ZNRF3: variants seen among roughly 807,000 people sequenced by gnomAD.
The protein encoded by ZNRF3 is E3 ubiquitin-protein ligase ZNRF3.
In ZNRF3, 23 loss-of-function variants were observed where a neutral mutation model predicts 72.5. That is an observed-to-expected ratio of 0.32 (90% CI 0.23 to 0.45). The LOEUF is 0.45. ZNRF3 is among the 20% of genes least tolerant of loss of function. The probability of loss-of-function intolerance (pLI) is 1.00; values close to 1 mark genes in which losing one functional copy is unlikely to be tolerated. For synonymous variants in ZNRF3, 610 were observed against 545.3 expected (o/e 1.12, Z -1.65); for missense variants, 1,169 against 1,272.1 (o/e 0.92, Z 1.23).
chr22:28,941,963 AAAC>A (rs916082755), intron 1 of ZNRF3, among the ~76,000 whole-genome samples: 7 of 152,164 alleles, frequency 4.6e-5, no homozygotes, highest in East Asian at 3.9e-4. Flanking sequence ...CTCAAAAACA[AAAC>A]AACAACAACA....
chr22:28,928,251 T>G (rs2034638154), intron 1 of ZNRF3, among the ~76,000 whole-genome samples: 3 of 152,222 alleles, frequency 2.0e-5, no homozygotes, highest in African/African-American at 7.2e-5. Flanking sequence ...TTGCTTGATT[T>G]GTGAATTCTC....
chr22:29,028,366 T>G (rs2036683570), intron 2 of ZNRF3, among the ~76,000 whole-genome samples: 1 of 152,172 alleles, frequency 6.6e-6, no homozygotes, highest in Non-Finnish European at 1.5e-5. Context: ...AATCCCTCCT[T>G]ATGTTGACTA....
chr22:29,024,313 C>T (rs1219391687), intron 2 of ZNRF3, among the ~76,000 whole-genome samples: 2 of 102,116 alleles, frequency 2.0e-5, no homozygotes, highest in Non-Finnish European at 2.2e-5. Context: ...CAATTTTCTG[C>T]ACTGTTAAAG....
intron 2 of ZNRF3, among the ~76,000 whole-genome samples, chr22:29,036,125 G>A (rs1473483027): frequency 6.6e-6 from 1 of 152,142 alleles, no homozygotes; most frequent in African/African-American, 2.4e-5. Flanking sequence ...GGGATATAGG[G>A]GGTAACAGAT....
At chr22:28,988,221 T>G (rs1404563524) in intron 2 of ZNRF3, among the ~76,000 whole-genome samples, 3 of 152,146 alleles carry the variant, frequency 2.0e-5, no homozygotes, top group African/African-American at 7.2e-5. Flanking sequence ...TGGATATCTT[T>G]TATATTCTCA....
At chr22:28,920,301 C>T (rs1033172295) in intron 1 of ZNRF3, among the ~76,000 whole-genome samples, 4 of 149,142 alleles carry the variant, frequency 2.7e-5, no homozygotes, top group South Asian at 2.1e-4. Flanking sequence ...GACAGAGTCT[C>T]GCTCTGTTGC....
intron 1 of ZNRF3, among the ~76,000 whole-genome samples, chr22:28,928,813 G>C (rs2034652359): frequency 6.6e-6 from 1 of 152,048 alleles, no homozygotes; most frequent in Non-Finnish European, 1.5e-5. Context: ...GTCTTTTATA[G>C]ATGGCTTTAA....
In ZNRF3 at chr22:28,966,948, C is replaced by T. The variant is rs558856588; in HGVS notation, c.301-20128C>T. Among the ~76,000 whole-genome samples, 21 of 142,142 alleles carry T rather than the reference C, an allele frequency of 1.5e-4. 1 individual carries two copies. The East Asian group carries it at 3.5e-3, about 24-fold the overall frequency. The allele number at this position is 142,142 out of a possible 152,430, so 93.3% of individuals were successfully genotyped here. A position where few individuals can be genotyped will look rare whatever the true frequency, so the allele number is the denominator to read the frequency against. ...GTGCAGTAGTGCAGTGGCATAATCT[C>T]GGCTCACTGCAACCTCTGCCTCCTG... On this transcript the variant is annotated intron_variant, in intron 1 of 8. Transcript: ENST00000544604.
intron 1 of ZNRF3, among the ~76,000 whole-genome samples, chr22:28,902,634 G>C (rs1325728109): frequency 6.6e-6 from 1 of 152,194 alleles, no homozygotes; most frequent in East Asian, 1.9e-4. Flanking sequence ...GCAGAGTGCT[G>C]AGTCTGGAGC....
At chr22:28,943,706 T>C (rs2123789112) in intron 1 of ZNRF3, among the ~76,000 whole-genome samples, 1 of 152,256 alleles carries the variant, frequency 6.6e-6, no homozygotes, top group South Asian at 2.1e-4. Context: ...TTGTTCCTCT[T>C]TACACTTTCC....
At chr22:28,930,236 A>G (rs148606756) in intron 1 of ZNRF3, among the ~76,000 whole-genome samples, 14 of 152,332 alleles carry the variant, frequency 9.2e-5, no homozygotes, top group Non-Finnish European at 1.9e-4. Flanking sequence ...ATAAAATAGT[A>G]TATTTTGCAT....
chr22:28,883,634 A>G lies in ZNRF3; in HGVS notation c.-133A>G. 1.1e-6 allele frequency: 1 copy of G among 886,294 alleles called. No homozygotes were observed. The highest frequency in any genetic ancestry group is 1.4e-6 in the Non-Finnish European group (1 of 739,178). 54.9% of individuals were successfully genotyped at this position (886,294 alleles called of 1,614,324 possible). On this transcript the variant is annotated 5_prime_UTR_variant, in exon 1 of 9. Transcript: ENST00000544604. The surrounding 1 kb of genome is among the most constrained non-coding windows in gnomAD (Gnocchi z 5.5). ...CGCGACGGCCGGGGGAGCCGAGCTGAGCCTGCGACCCACAAAGCCGCCGCC... is the reference window on the plus strand; with the variant it reads ...CGCGACGGCCGGGGGAGCCGAGCTGGGCCTGCGACCCACAAAGCCGCCGCC...
intron 2 of ZNRF3, among the ~76,000 whole-genome samples, chr22:29,003,597 T>C: frequency 6.6e-6 from 1 of 151,934 alleles, no homozygotes. Flanking sequence ...CCCAACACTT[T>C]GGGAAGTCAA....
intron 1 of ZNRF3, among the ~76,000 whole-genome samples, chr22:28,894,348 T>TC (rs1482737769): frequency 1.2e-4 from 18 of 151,952 alleles, no homozygotes; most frequent in African/African-American, 3.4e-4. Context: ...CTTTTTTTTT[T>TC]TTTTTGTCTG....
chr22:28,901,107 C>G (rs1183660047), intron 1 of ZNRF3, among the ~76,000 whole-genome samples: 1 of 151,990 alleles, frequency 6.6e-6, no homozygotes, highest in Non-Finnish European at 1.5e-5. Flanking sequence ...CGAGACCTGT[C>G]TCTACAAAAA....
At chr22:28,981,562 G>A (rs529656320) in intron 1 of ZNRF3, among the ~76,000 whole-genome samples, 165 of 152,230 alleles carry the variant, frequency 1.1e-3, no homozygotes, top group Non-Finnish European at 1.9e-3. Flanking sequence ...AAATAAAAAT[G>A]AAAGTAATGG....
chr22:29,006,034 CA>C (rs889610315), intron 2 of ZNRF3, among the ~76,000 whole-genome samples: 332 of 132,136 alleles, frequency 2.5e-3, no homozygotes, highest in Non-Finnish European at 2.5e-3. Flanking sequence ...AACTCTGTCT[CA>C]AAAAAAAAAA....
At chr22:28,973,077 G>A (rs35942018) in intron 1 of ZNRF3, among the ~76,000 whole-genome samples, 1 of 152,112 alleles carries the variant, frequency 6.6e-6, no homozygotes, top group Non-Finnish European at 1.5e-5. Context: ...CAAACTTGTG[G>A]GCTCAATCTT....
rs568755728 is a variant in ZNRF3 at position 28,930,167 on chromosome 22, T to C, written c.300+46101T>C. On this transcript the variant is annotated intron_variant, in intron 1 of 8. Coordinates refer to ENST00000544604, the MANE Select transcript of ZNRF3 (RefSeq NM_001206998.2). ...TTTTTTTTGGTTTTTGTTTTTTTTGTAGTTATTTGCCTTCATTTAGTCTTT... is the reference window on the plus strand; with the variant it reads ...TTTTTTTTGGTTTTTGTTTTTTTTGCAGTTATTTGCCTTCATTTAGTCTTT... Among the ~76,000 whole-genome samples the C allele has an allele frequency of 5.3e-5, 8 of 152,302 alleles. No homozygotes were observed. The South Asian group carries it at 1.7e-3, about 32-fold the overall frequency.
Sources: allele counts gnomAD v4.1 joint callset (sites outside exome capture counted in the v4.1 genomes callset), GRCh38; gene constraint gnomAD v4.1.1; non-coding constraint Gnocchi (gnomAD v3.1); transcripts MANE v1.5; gene names NCBI Gene and HGNC (gene_info 2026-07-23, HGNC 2026-07-21).